ENPEP: variants seen among roughly 807,000 people sequenced by gnomAD.
The protein encoded by ENPEP is glutamyl aminopeptidase, also known as AP-A.
ENPEP carries 103 observed loss-of-function variants against 114.5 expected under a neutral mutation model. The ratio of observed to expected loss-of-function variants is 0.90; its 90% confidence interval spans 0.77 to 1.06. ENPEP has a LOEUF of 1.06. Among genes scored for constraint, ENPEP ranks in the 50% least tolerant of loss-of-function variants. ENPEP has a pLI of 0.00. For synonymous variants in ENPEP, 420 were observed against 422.0 expected (o/e 1.00, Z 0.06); for missense variants, 1,196 against 1,161.3 (o/e 1.03, Z -0.43).
At chr4:110,514,335 A>C (rs1299516886) in intron 7 of ENPEP, among the ~76,000 whole-genome samples, 1 of 152,084 alleles carries the variant, frequency 6.6e-6, no homozygotes, top group Non-Finnish European at 1.5e-5. Context: ...TGAATACTTG[A>C]GTGAAAAAGC....
At chr4:110,533,119 G>A (rs749836883) in intron 11 of ENPEP, 16 of 452,136 alleles carry the variant, frequency 3.5e-5, no homozygotes, top group Admixed American at 7.1e-5. Flanking sequence ...CTCGGCAGCT[G>A]TTTGATTTAC....
chr4:110,548,059 C>T, intron 13 of ENPEP, 117 bp from the exon 14 acceptor site: 1 of 1,142,892 alleles, frequency 8.7e-7, no homozygotes, highest in East Asian at 2.9e-5. Flanking sequence ...TGGAAGAATC[C>T]TCATTAACAT....
At chr4:110,512,176 A>G (rs1235475434) in intron 6 of ENPEP, among the ~76,000 whole-genome samples, 1 of 152,238 alleles carries the variant, frequency 6.6e-6, no homozygotes, top group Non-Finnish European at 1.5e-5. Context: ...TGGAAGGGTC[A>G]GATAGATAAA....
chr4:110,524,192 G>A (rs1173657557), intron 10 of ENPEP, among the ~76,000 whole-genome samples: 1 of 151,932 alleles, frequency 6.6e-6, no homozygotes, highest in East Asian at 1.9e-4. Flanking sequence ...AACAACAGAG[G>A]CATTTAAAGT....
chr4:110,496,304 A>G (rs1724935688), intron 3 of ENPEP, among the ~76,000 whole-genome samples: 1 of 152,192 alleles, frequency 6.6e-6, no homozygotes, highest in Admixed American at 6.5e-5. Context: ...CATAGAAATA[A>G]TCTTATTTTT....
chr4:110,526,331 C>T (rs1332592597), intron 10 of ENPEP, among the ~76,000 whole-genome samples: 1 of 152,030 alleles, frequency 6.6e-6, no homozygotes, highest in Non-Finnish European at 1.5e-5. Flanking sequence ...TATATGAAAG[C>T]CCAAAGTCTT....
chr4:110,482,367 T>G (rs1415148240), intron 1 of ENPEP, among the ~76,000 whole-genome samples: 1 of 152,106 alleles, frequency 6.6e-6, no homozygotes, highest in African/African-American at 2.4e-5. Flanking sequence ...ATATTGGAAA[T>G]AGGTGGGAAG....
At chr4:110,531,646 A>T (rs1726410112) in intron 11 of ENPEP, among the ~76,000 whole-genome samples, 1 of 151,848 alleles carries the variant, frequency 6.6e-6, no homozygotes, top group South Asian at 2.1e-4. Context: ...AAGCCTGAGG[A>T]TTTTTTTAAT....
At chr4:110,503,852 G>A (rs886539925) in intron 3 of ENPEP, among the ~76,000 whole-genome samples, 1 of 152,162 alleles carries the variant, frequency 6.6e-6, no homozygotes, top group Non-Finnish European at 1.5e-5. Flanking sequence ...AAGTATTTTT[G>A]GTGCTGAAGT....
chr4:110,489,717 A>G (rs1724632220), intron 2 of ENPEP, among the ~76,000 whole-genome samples: 2 of 152,166 alleles, frequency 1.3e-5, no homozygotes, highest in Admixed American at 1.3e-4. Flanking sequence ...CTAGAGTTTC[A>G]TTGCCTCAAA....
intron 11 of ENPEP, 27 bp from the exon 12 acceptor site, chr4:110,542,724 C>T (rs373958796): frequency 1.3e-6 from 2 of 1,593,478 alleles, no homozygotes; most frequent in Non-Finnish European, 8.6e-7. Flanking sequence ...AAACATGTTG[C>T]TCATTAGTGT....
At chr4:110,541,737 A>G (rs1170371377) in intron 11 of ENPEP, among the ~76,000 whole-genome samples, 3 of 152,020 alleles carry the variant, frequency 2.0e-5, no homozygotes, top group Admixed American at 6.6e-5. Context: ...ATCATCTCCT[A>G]TTTTTCAATA....
chr4:110,476,618 A>G lies in ENPEP; in HGVS notation c.204A>G (p.Ser68=). The G allele has an allele frequency of 6.2e-7, 1 of 1,614,178 alleles. No individual in the cohort carries two copies. Reference sequence around the variant, plus strand: ...TGCCTTCTTCCACGGCCAGCCCCTCAGGTCCTCCTGCCCAGGACCAGGACA... The same window carrying G: ...TGCCTTCTTCCACGGCCAGCCCCTCGGGTCCTCCTGCCCAGGACCAGGACA... The part of the protein sequence containing the change: ...SHLPSSTASP[S]GPPAQDQDIC... The change falls in exon 1 of 20, where the codon TCA becomes TCG. Residue 68 remains serine, a synonymous_variant. Coordinates refer to ENST00000265162, the MANE Select transcript of ENPEP (RefSeq NM_001977.4).
chr4:110,492,808 C>T (rs540120878), intron 3 of ENPEP, among the ~76,000 whole-genome samples: 1 of 152,156 alleles, frequency 6.6e-6, no homozygotes, highest in East Asian at 1.9e-4. Flanking sequence ...TTTTTCTTTC[C>T]GTCTCATAAC....
intron 10 of ENPEP, among the ~76,000 whole-genome samples, chr4:110,521,469 C>T (rs933790859): frequency 1.3e-4 from 20 of 151,840 alleles, no homozygotes; most frequent in African/African-American, 4.1e-4. Context: ...AGAGAGTACA[C>T]GCCAGCTACT....
chr4:110,541,767 T>A (rs1245076027), intron 11 of ENPEP, among the ~76,000 whole-genome samples: 1 of 152,150 alleles, frequency 6.6e-6, no homozygotes, highest in Non-Finnish European at 1.5e-5. Flanking sequence ...ACATTGTTGG[T>A]ACCTTAAAAT....
At position 110,486,439 on chromosome 4, in the gene ENPEP, T is replaced by A. The variant is rs1293754203; in HGVS notation, c.645-2102T>A. Among the ~76,000 whole-genome samples the A allele has an allele frequency of 6.6e-5, 10 of 152,326 alleles. No homozygotes were observed. The East Asian group carries it at 1.9e-3, about 29-fold the overall frequency. The stretch of plus-strand genomic sequence containing the variant: ...GTTCTTTAGCCACACTGGACACCTT[T>A]CAATTCTTCAACCACAGCAGGTTCT... On this transcript the variant is annotated intron_variant, in intron 1 of 19. Coordinates refer to ENST00000265162, the MANE Select transcript of ENPEP (RefSeq NM_001977.4).
rs111674725 is a variant in ENPEP, at chr4:110,564,891, G to A, written c.*3333G>A. ...GTATTCCAGATAGAGGCCGCACTATGAGCCTGAATTCCAGGATAAAAACAA... is the reference window on the plus strand; with the variant it reads ...GTATTCCAGATAGAGGCCGCACTATAAGCCTGAATTCCAGGATAAAAACAA... On this transcript the variant is annotated 3_prime_UTR_variant, in exon 20 of 20. Coordinates refer to ENST00000265162, the MANE Select transcript of ENPEP (RefSeq NM_001977.4). The A allele has an allele frequency of 2.0e-5, 3 of 152,298 alleles. No individual in the cohort carries two copies. The highest frequency in any genetic ancestry group is 2.1e-4 in the South Asian group (1 of 4,824). The allele number at this position is 152,298 out of a possible 1,614,324, so 9.4% of individuals were successfully genotyped here.
At chr4:110,491,510 G>A (rs1480685226) in intron 3 of ENPEP, among the ~76,000 whole-genome samples, 1 of 152,062 alleles carries the variant, frequency 6.6e-6, no homozygotes, top group African/African-American at 2.4e-5. Flanking sequence ...ACCTCTCCCA[G>A]ATATAGACTA....
Sources: gnomAD v4.1 joint callset for allele counts (sites outside exome capture counted in the v4.1 genomes callset) on GRCh38, gnomAD v4.1.1 for gene constraint, MANE v1.5 for transcripts, NCBI Gene and HGNC (gene_info 2026-07-23, HGNC 2026-07-21) for gene names.